The following WDPCP variants were observed in gnomAD, a reference collection of about 807,000 sequenced individuals.
The protein encoded by WDPCP is WD repeat containing planar cell polarity effector.
Under a neutral mutation model 93.1 loss-of-function variants are expected in WDPCP, and 71 were observed. The ratio of observed to expected loss-of-function variants is 0.76; its 90% CI spans 0.63 to 0.93. WDPCP has a LOEUF of 0.93. WDPCP is among the 40% of genes least tolerant of loss of function. The pLI is 0.00. For synonymous variants in WDPCP, 315 were observed against 315.0 expected (o/e 1.00, Z 0.00); for missense variants, 844 against 887.4 (o/e 0.95, Z 0.62).
the WDPCP span, among the ~76,000 whole-genome samples, chr2:63,840,500 G>T: frequency 6.6e-6 from 1 of 152,180 alleles, no homozygotes; most frequent in East Asian, 1.9e-4. Flanking sequence ...TTTCTTCAAT[G>T]CCTAAACCCT....
At chr2:63,804,080 T>C (rs1359596099) in intron 2 of WDPCP, among the ~76,000 whole-genome samples, 1 of 152,162 alleles carries the variant, frequency 6.6e-6, no homozygotes, top group Non-Finnish European at 1.5e-5. Context: ...ATACTTCACT[T>C]GGTAATGGGC....
chr2:63,782,540 T>A (rs191072623), intron 2 of WDPCP, among the ~76,000 whole-genome samples: 1 of 152,232 alleles, frequency 6.6e-6, no homozygotes, highest in East Asian at 1.9e-4. Context: ...GACATCCAAA[T>A]GGCCAAGCAG....
At chr2:63,535,892 C>T (rs1704238761) in intron 1 of WDPCP, among the ~76,000 whole-genome samples, 1 of 152,132 alleles carries the variant, frequency 6.6e-6, no homozygotes, top group African/African-American at 2.4e-5. Context: ...AGCTTCTGCA[C>T]AGCAAAAGAA....
chr2:63,612,233 G>A (rs1261485365), intron 3 of WDPCP, among the ~76,000 whole-genome samples: 4 of 152,070 alleles, frequency 2.6e-5, no homozygotes, highest in Admixed American at 6.6e-5. Flanking sequence ...ACCTTTCTAC[G>A]TTTTGACTCC....
At chr2:63,206,359 A>G (rs2104374263) in intron 14 of WDPCP, among the ~76,000 whole-genome samples, 1 of 152,218 alleles carries the variant, frequency 6.6e-6, no homozygotes, top group South Asian at 2.1e-4. Flanking sequence ...TTAGTAACCA[A>G]TTTCCCCCTT....
intron 3 of WDPCP, among the ~76,000 whole-genome samples, chr2:63,624,094 T>A (rs1319991132): frequency 3.3e-5 from 5 of 152,078 alleles, no homozygotes; most frequent in Admixed American, 3.3e-4. Context: ...ACTGGGTAAA[T>A]AACGAAATTA....
chr2:63,307,235 C>G (rs10170829), intron 13 of WDPCP, among the ~76,000 whole-genome samples: 121,926 of 152,160 alleles, frequency 0.8, 49,710 homozygotes, highest in East Asian at 0.96. Flanking sequence ...AAGGAAATAA[C>G]AGAGGACACA....
chr2:63,351,218 G>C (rs7585261), intron 12 of WDPCP, among the ~76,000 whole-genome samples: 1 of 152,104 alleles, frequency 6.6e-6, no homozygotes, highest in East Asian at 1.9e-4. Context: ...CTGACCTCAA[G>C]TGATCCATCC....
intron 17 of WDPCP, among the ~76,000 whole-genome samples, chr2:63,139,930 ATT>A (rs986693730): frequency 6.6e-6 from 1 of 152,198 alleles, no homozygotes; most frequent in Non-Finnish European, 1.5e-5. Context: ...ATCTTCTAAA[ATT>A]TTTATAGTTT....
chr2:63,400,593 T>C (rs374779061), intron 10 of WDPCP, among the ~76,000 whole-genome samples: 1 of 152,194 alleles, frequency 6.6e-6, no homozygotes, highest in African/African-American at 2.4e-5. Flanking sequence ...TTCAATGCTA[T>C]TCCCATAAAA....
chr2:63,830,247 T>C (rs1405365972), upstream of WDPCP, among the ~76,000 whole-genome samples: 1 of 152,114 alleles, frequency 6.6e-6, no homozygotes, highest in Admixed American at 6.5e-5. Context: ...ATATTTGTGG[T>C]CCTGAAATAC....
chr2:63,575,505 A>ATACTGTATATACAGTGTATG (rs1708018118), intron 1 of WDPCP, among the ~76,000 whole-genome samples: 2 of 13,800 alleles, frequency 1.4e-4, no homozygotes, highest in African/African-American at 7.7e-4. Context: ...TACAGTATAT[A>ATACTGTATATACAGTGTATG]CACTGTATAT....
chr2:63,437,367 A>C (rs1697202673), intron 8 of WDPCP, 54 bp downstream of exon 8: 1 of 1,352,700 alleles, frequency 7.4e-7, no homozygotes, highest in Admixed American at 2.2e-5. Flanking sequence ...CTTATGTGAT[A>C]CTCTCATATA....
chr2:63,573,267 G>A (rs1318802184), intron 1 of WDPCP, among the ~76,000 whole-genome samples: 1 of 151,512 alleles, frequency 6.6e-6, no homozygotes. Context: ...AAAAGGATTC[G>A]TTGCTGGATT....
chr2:63,817,492 A>G (rs1425277998), intron 1 of WDPCP, among the ~76,000 whole-genome samples: 3 of 152,184 alleles, frequency 2.0e-5, no homozygotes, highest in Non-Finnish European at 2.9e-5. Flanking sequence ...AGCAATGAGG[A>G]CTGAAATTAC....
At chr2:63,541,049 A>T (rs1057042322) in intron 1 of WDPCP, among the ~76,000 whole-genome samples, 4 of 152,070 alleles carry the variant, frequency 2.6e-5, no homozygotes, top group African/African-American at 9.7e-5. Context: ...ATCTCGGCTC[A>T]TTGAAACCTT....
chr2:63,721,616 T>C (rs73937268), intron 2 of WDPCP, among the ~76,000 whole-genome samples: 7,654 of 152,214 alleles, frequency 0.05, 350 homozygotes, highest in African/African-American at 0.11. Context: ...GGCCTTTCCA[T>C]TTTTTGGCCT....
intron 9 of WDPCP, among the ~76,000 whole-genome samples, chr2:63,413,084 AC>A (rs1203877396): frequency 2.6e-5 from 4 of 152,226 alleles, no homozygotes; most frequent in Non-Finnish European, 5.9e-5. Flanking sequence ...AGCAAAAAGA[AC>A]AAATCTGGAG....
chr2:63,745,391 C>A (rs1259970319), intron 2 of WDPCP, among the ~76,000 whole-genome samples: 1 of 152,172 alleles, frequency 6.6e-6, no homozygotes, highest in African/African-American at 2.4e-5. Context: ...ACTGGCAATG[C>A]TGCCAACAAC....
Sources: allele counts gnomAD v4.1 joint callset (sites outside exome capture counted in the v4.1 genomes callset), GRCh38; gene constraint gnomAD v4.1.1; transcripts MANE v1.5; gene names NCBI Gene and HGNC (gene_info 2026-07-23, HGNC 2026-07-21).